RPL39: variants seen among roughly 807,000 people sequenced by gnomAD.
The protein encoded by RPL39 is large ribosomal subunit protein eL39.
For synonymous variants in RPL39, 8 were observed against 11.4 expected (o/e 0.70, Z 0.60); for missense variants, 6 against 37.2 (o/e 0.16, Z 2.18).
At chrX:119,788,699 TGA>T (rs1254161081) in intron 2 of RPL39, among the ~76,000 whole-genome samples, 1 of 109,728 alleles carries the variant, frequency 9.1e-6, no homozygotes, top group Non-Finnish European at 1.9e-5. Context: ...TCAGCCTGGG[TGA>T]GAGAGCGACT....
At chrX:119,791,453 T>G in intron 1 of RPL39, 121 bp downstream of exon 1, 1 of 661,347 alleles carries the variant, frequency 1.5e-6, no homozygotes, top group Non-Finnish European at 2.1e-6. Flanking sequence ...CTGGATATTT[T>G]CTTGAAAAAG....
At chrX:119,786,764 C>G (rs778920285) in intron 2 of RPL39, 32 bp from the exon 3 acceptor site, 4 of 1,120,376 alleles carry the variant, frequency 3.6e-6, no homozygotes, top group Non-Finnish European at 4.9e-6. Flanking sequence ...GTTACAAAGG[C>G]AGTCTGACAG....
intron 2 of RPL39, chrX:119,787,606 CAG>C: frequency 3.7e-6 from 1 of 272,399 alleles, no homozygotes; most frequent in South Asian, 3.5e-5. Context: ...TAGGAGACCA[CAG>C]AGTTTAATAG....
At chrX:119,786,838 T>C (rs2055668578) in intron 2 of RPL39, 106 bp from the exon 3 acceptor site, 1 of 594,668 alleles carries the variant, frequency 1.7e-6, no homozygotes, top group African/African-American at 2.2e-5. Flanking sequence ...GTACTGCTTT[T>C]CTCTCCTCTA....
intron 2 of RPL39, among the ~76,000 whole-genome samples, chrX:119,789,562 AAAAACAAAAAC>A (rs1569456209): frequency 6.5e-5 from 7 of 107,197 alleles, no homozygotes; most frequent in African/African-American, 1.0e-4. Context: ...GTCTCAAAAC[AAAAACAAAAAC>A]AAAAACAAAA....
At chrX:119,789,168 G>C (rs34723160) in intron 2 of RPL39, among the ~76,000 whole-genome samples, 4,162 of 111,298 alleles carry the variant, frequency 0.037, 192 homozygotes, top group African/African-American at 0.12. Context: ...AGAGAGATGA[G>C]GTGGGAGGGT....
At chrX:119,789,602 CT>C (rs987575859) in intron 2 of RPL39, among the ~76,000 whole-genome samples, 1 of 111,679 alleles carries the variant, frequency 9.0e-6, no homozygotes, top group African/African-American at 3.3e-5. Context: ...CCTAAAAATA[CT>C]GACTGGGTCT....
intron 2 of RPL39, among the ~76,000 whole-genome samples, chrX:119,787,713 G>A (rs778809248): frequency 9.0e-6 from 1 of 111,193 alleles, no homozygotes; most frequent in Non-Finnish European, 1.9e-5. Flanking sequence ...TGCAGCGGCC[G>A]GATCACAGCT....
At chrX:119,787,322 C>A (rs1249090221) in intron 2 of RPL39, 1 of 366,192 alleles carries the variant, frequency 2.7e-6, no homozygotes, top group South Asian at 2.4e-5. Context: ...CTCCTCCATT[C>A]ACGTCTAGTG....
intron 2 of RPL39, among the ~76,000 whole-genome samples, chrX:119,787,962 T>C (rs982183144): frequency 3.6e-5 from 4 of 111,484 alleles, no homozygotes; most frequent in African/African-American, 1.3e-4. Context: ...GCCTGGTTTA[T>C]ATATACTTCT....
chrX:119,788,252 G>A (rs1161992838), intron 2 of RPL39, among the ~76,000 whole-genome samples: 2 of 111,900 alleles, frequency 1.8e-5, no homozygotes, highest in Non-Finnish European at 3.8e-5. Context: ...ATCAAGTTCT[G>A]GCTGGGCGCG....
chrX:119,791,466 T>G, intron 1 of RPL39, 108 bp downstream of exon 1: 1 of 760,343 alleles, frequency 1.3e-6, no homozygotes. Context: ...TGAAAAAGCC[T>G]TTAAAAGGCT....
At chrX:119,789,018 A>G (rs2055684000) in intron 2 of RPL39, among the ~76,000 whole-genome samples, 2 of 112,006 alleles carry the variant, frequency 1.8e-5, no homozygotes, top group African/African-American at 6.5e-5. Context: ...TAATCTCTGC[A>G]CTTTGGTAGG....
At chrX:119,787,459 G>A (rs748211543) in intron 2 of RPL39, 5 of 372,186 alleles carry the variant, frequency 1.3e-5, no homozygotes, top group African/African-American at 1.3e-4. Flanking sequence ...TCCACAAAAT[G>A]AAGCACTGTA....
chrX:119,791,410 C>T, intron 1 of RPL39, 164 bp downstream of exon 1: 1 of 418,803 alleles, frequency 2.4e-6, no homozygotes, highest in Non-Finnish European at 3.7e-6. Context: ...TCACTAGCTT[C>T]CCTCCAGGCC....
chrX:119,790,934 C>T (rs1290148043), intron 1 of RPL39: 1 of 112,226 alleles, frequency 8.9e-6, no homozygotes, highest in African/African-American at 3.3e-5. Context: ...TTATCGCCTC[C>T]ATATCTAGAA....
chrX:119,789,123 G>C (rs554784620), intron 2 of RPL39, among the ~76,000 whole-genome samples: 1 of 111,105 alleles, frequency 9.0e-6, no homozygotes, highest in South Asian at 3.8e-4. Context: ...AAATTAGCCA[G>C]GTGTGGTGGC....
At chrX:119,787,952 G>A (rs144423186) in intron 2 of RPL39, among the ~76,000 whole-genome samples, 1,156 of 111,478 alleles carry the variant, frequency 0.01, 16 homozygotes, top group African/African-American at 0.036. Flanking sequence ...GAAGCACTGT[G>A]CCTGGTTTAT....
At chrX:119,787,500 C>T (rs192029754) in intron 2 of RPL39, 7 of 370,365 alleles carry the variant, frequency 1.9e-5, no homozygotes, top group East Asian at 1.5e-4. Context: ...ACATTTTTAA[C>T]GCTGGAAGAT....
Sources: gnomAD v4.1 joint callset for allele counts (sites outside exome capture counted in the v4.1 genomes callset) on GRCh38, gnomAD v4.1.1 for gene constraint, MANE v1.5 for transcripts, NCBI Gene and HGNC (gene_info 2026-07-23, HGNC 2026-07-21) for gene names.